The following CDKL1 variants were observed in gnomAD, a reference collection of about 807,000 sequenced individuals.
CDKL1 encodes the protein cyclin dependent kinase like 1, also known as cyclin-dependent kinase-like 1.
A neutral mutation model predicts 42.0 loss-of-function variants in CDKL1; 41 were observed. That is an observed-to-expected ratio of 0.98 (90% CI 0.76 to 1.27). CDKL1 has a LOEUF of 1.27. Ranked by LOEUF, CDKL1 falls within the 50% of genes most tolerant of loss-of-function variation. The pLI is 0.00. For missense variants in CDKL1, 394 were observed against 428.4 expected (o/e 0.92, Z 0.71); for synonymous variants, 153 against 158.6 (o/e 0.96, Z 0.26).
At chr14:50,330,248 T>G in intron 9 of CDKL1, 67 bp from the exon 10 acceptor site, 1 of 1,549,496 alleles carries the variant, frequency 6.5e-7, no homozygotes, top group East Asian at 2.3e-5. Context: ...ATTTAGAATA[T>G]ATCACAAAAG....
intron 3 of CDKL1, chr14:50,357,283 G>A (rs572313523): frequency 3.9e-5 from 6 of 152,222 alleles, no homozygotes; most frequent in African/African-American, 9.6e-5. Context: ...ACCACAAGCC[G>A]CTTCCATTCC....
At chr14:50,383,020 C>T (rs916776537) in intron 2 of CDKL1, among the ~76,000 whole-genome samples, 1 of 152,000 alleles carries the variant, frequency 6.6e-6, no homozygotes, top group African/African-American at 2.4e-5. Context: ...CTCCACCTCC[C>T]AGGTTCACGC....
intron 3 of CDKL1, among the ~76,000 whole-genome samples, chr14:50,353,309 T>C (rs2033958604): frequency 6.6e-6 from 1 of 152,234 alleles, no homozygotes. Flanking sequence ...TCTTCAGAAA[T>C]GTGAAATTCT....
In CDKL1 at chr14:50,339,012, G is replaced by A. The variant is rs1245191713; in HGVS notation, c.673C>T (p.His225Tyr). 2 of 1,610,418 alleles carry A rather than the reference G, an allele frequency of 1.2e-6. No homozygotes were observed. The highest frequency in any genetic ancestry group is 1.7e-6 in the Non-Finnish European group (2 of 1,176,688). Residue 225 changes from histidine to tyrosine, a missense_variant, in exon 7 of 10, where the codon CAC becomes TAC. Transcript: ENST00000395834. The stretch of plus-strand genomic sequence containing the variant: ...TGATTCGTGCTAAACACTTGCTGGT[G>A]CCTAGGAATGAGATCCCCTTTGGAC... Reference protein sequence around the residue: ...RKTLGDLIPRHQQVFSTNQYF... With the variant: ...RKTLGDLIPRYQQVFSTNQYF...
chr14:50,344,468 G>GTTT lies in CDKL1; in HGVS notation c.363+515_363+517dup, dbSNP rs138592023. 2.3e-4 allele frequency among the ~76,000 whole-genome samples: 30 copies of GTTT among 130,882 alleles called. 1 individual carries two copies. Among genetic ancestry groups the GTTT allele is most frequent in the South Asian group, 6.9e-4 (3 of 4,324 alleles). 85.9% of individuals were successfully genotyped at this position (130,882 alleles called of 152,430 possible). A position where few individuals can be genotyped will look rare whatever the true frequency, so the allele number is the denominator to read the frequency against. On this transcript the variant is annotated intron_variant, in intron 4 of 9. Transcript: ENST00000395834. ...TATGACTAATTTTTTGTTCTTTGTG[G>GTTT]TTTTTTTTTTTTTTTTTTTGAGACA...
At chr14:50,390,859 T>C (rs12147750) in intron 2 of CDKL1, among the ~76,000 whole-genome samples, 9,057 of 152,124 alleles carry the variant, frequency 0.06, 297 homozygotes, top group East Asian at 0.11. Flanking sequence ...TTTGAGACAG[T>C]GTCTTACTCT....
intron 2 of CDKL1, chr14:50,363,105 G>C (rs959375170): frequency 2.3e-5 from 7 of 302,706 alleles, no homozygotes; most frequent in Admixed American, 6.5e-5. Context: ...AAGGTCTGCA[G>C]CTTCACTCTT....
chr14:50,378,288 G>C, intron 2 of CDKL1: 4 of 1,366,518 alleles, frequency 2.9e-6, no homozygotes, highest in Non-Finnish European at 3.9e-6. Context: ...CCTATAATAG[G>C]ATGAGGTTGT....
intron 3 of CDKL1, among the ~76,000 whole-genome samples, chr14:50,349,872 A>G (rs1311268226): frequency 6.6e-6 from 1 of 152,012 alleles, no homozygotes; most frequent in Non-Finnish European, 1.5e-5. Context: ...GGGTTCAAGC[A>G]ATTCTCCTGC....
At chr14:50,343,202 C>G in intron 4 of CDKL1, 1 of 389,420 alleles carries the variant, frequency 2.6e-6, no homozygotes, top group Non-Finnish European at 4.1e-6. Context: ...TGCTCAGGGT[C>G]CCTAATAATC....
chr14:50,373,440 G>C (rs1292608345), intron 2 of CDKL1, among the ~76,000 whole-genome samples: 1 of 152,192 alleles, frequency 6.6e-6, no homozygotes, highest in Non-Finnish European at 1.5e-5. Context: ...TTCCTAACCA[G>C]CAGGCAAACA....
chr14:50,378,904 T>A (rs2034821324), intron 2 of CDKL1, among the ~76,000 whole-genome samples: 2 of 149,012 alleles, frequency 1.3e-5, no homozygotes, highest in South Asian at 4.2e-4. Flanking sequence ...CAGGCTGGAG[T>A]GTAGTGGTGT....
Position 50,329,777 on chromosome 14 carries a change from A to G in CDKL1, c.*297T>C, listed in dbSNP as rs11570887. The G allele has an allele frequency of 0.032, 8,057 of 250,602 alleles. 197 individuals carry two copies. Among genetic ancestry groups the G allele is most frequent in the South Asian group, 0.049 (841 of 17,112 alleles). 15.5% of individuals were successfully genotyped at this position (250,602 alleles called of 1,614,324 possible). The stretch of plus-strand genomic sequence containing the variant: ...AGCATAAATCTTTTTGATATCATCT[A>G]GTTTTGCCAGAGGTATGGGACAGTT... On this transcript the variant is annotated 3_prime_UTR_variant, in exon 10 of 10. Transcript: ENST00000395834.
intron 2 of CDKL1, among the ~76,000 whole-genome samples, chr14:50,379,712 G>A (rs2034847763): frequency 6.6e-6 from 1 of 152,208 alleles, no homozygotes; most frequent in South Asian, 2.1e-4. Context: ...AACTGAGCAA[G>A]CAGAAGGTTG....
intron 2 of CDKL1, among the ~76,000 whole-genome samples, chr14:50,381,492 C>T (rs1205739112): frequency 1.3e-5 from 2 of 152,206 alleles, no homozygotes; most frequent in East Asian, 1.9e-4. Context: ...AGCCTCACAC[C>T]TGGCTCACGG....
At chr14:50,338,643 A>T (rs2033395666) in intron 7 of CDKL1, among the ~76,000 whole-genome samples, 1 of 152,172 alleles carries the variant, frequency 6.6e-6, no homozygotes, top group Non-Finnish European at 1.5e-5. Context: ...TGATAGGTCT[A>T]GGTCTAAAAG....
intron 7 of CDKL1, chr14:50,334,924 T>TC (rs1595254532): frequency 4.1e-6 from 1 of 246,516 alleles, no homozygotes; most frequent in East Asian, 9.3e-5. Context: ...TGAGCAGTTT[T>TC]TTTTTTGAGG....
At position 50,385,025 on chromosome 14, in the gene CDKL1, C is replaced by T. The variant is rs145394001; in HGVS notation, c.168+10676G>A. On this transcript the variant is annotated intron_variant, in intron 2 of 9. Coordinates refer to ENST00000395834, the MANE Select transcript of CDKL1 (RefSeq NM_004196.7). ...GGTGGAGGTTGCAGTGAGCCAAGAT[C>T]GCACCACTGCACTTAAGCCTGGGTG... Among the ~76,000 whole-genome samples, 916 of 132,234 alleles carry T rather than the reference C, an allele frequency of 6.9e-3. 15 individuals carry two copies. Among genetic ancestry groups the T allele is most frequent in the African/African-American group, 0.026 (874 of 34,178 alleles). The allele number at this position is 132,234 out of a possible 152,430, so 86.8% of individuals were successfully genotyped here. A position where few individuals can be genotyped will look rare whatever the true frequency, so the allele number is the denominator to read the frequency against.
At chr14:50,380,823 CT>C (rs1338996543) in intron 2 of CDKL1, among the ~76,000 whole-genome samples, 1 of 54,228 alleles carries the variant, frequency 1.8e-5, no homozygotes, top group South Asian at 5.8e-4. Flanking sequence ...GGGACAGAGC[CT>C]TGTTCTGTCC....
Sources: gnomAD v4.1 joint callset for allele counts (sites outside exome capture counted in the v4.1 genomes callset) on GRCh38, gnomAD v4.1.1 for gene constraint, MANE v1.5 for transcripts, NCBI Gene and HGNC (gene_info 2026-07-23, HGNC 2026-07-21) for gene names.